CSNK1G1: variants seen among roughly 807,000 people sequenced by gnomAD.
CSNK1G1 encodes casein kinase 1 gamma 1.
CSNK1G1 carries 22 observed loss-of-function variants against 59.6 expected under a neutral mutation model. That is an observed-to-expected ratio of 0.37 (90% CI 0.26 to 0.53). The LOEUF (loss-of-function observed/expected upper bound fraction) is 0.53. Ranked by LOEUF, CSNK1G1 falls within the 20% of genes least tolerant of loss-of-function variation. CSNK1G1 has a pLI of 0.89. For missense variants in CSNK1G1, 384 were observed against 519.5 expected (o/e 0.74, Z 2.54); for synonymous variants, 179 against 177.1 (o/e 1.01, Z -0.08).
chr15:64,191,955 T>C (rs541631329), intron 10 of CSNK1G1, among the ~76,000 whole-genome samples: 1 of 152,306 alleles, frequency 6.6e-6, no homozygotes, highest in African/African-American at 2.4e-5. Context: ...GAAAGGGCCA[T>C]TTGCAGTTTT....
rs77140729 is a variant in CSNK1G1 at position 64,348,037 on chromosome 15, C to T, written c.-225+7951G>A. Among the ~76,000 whole-genome samples the T allele has an allele frequency of 2.1e-3, 312 of 149,120 alleles. 12 individuals carry two copies. In the East Asian group the frequency reaches 0.054, roughly 26 times the overall value. On this transcript the variant is annotated intron_variant, in intron 1 of 11. Coordinates refer to ENST00000303052, the MANE Select transcript of CSNK1G1 (RefSeq NM_022048.5). ...AAAAAAAGACACGAAGAACATTCAA[C>T]GCATATTGCTAAGTGAAAAAAAAAA...
At chr15:64,219,614 A>G (rs1265024204) in intron 4 of CSNK1G1, among the ~76,000 whole-genome samples, 1 of 151,990 alleles carries the variant, frequency 6.6e-6, no homozygotes, top group East Asian at 1.9e-4. Flanking sequence ...ACATGACACC[A>G]CATCGGGCTA....
chr15:64,309,047 G>A (rs960442372), intron 1 of CSNK1G1, among the ~76,000 whole-genome samples: 14 of 152,064 alleles, frequency 9.2e-5, no homozygotes, highest in African/African-American at 3.4e-4. Context: ...CCCTGGACCT[G>A]GGTCCTCCTT....
In CSNK1G1 at chr15:64,187,369, T is replaced by C. The variant is rs540959055; in HGVS notation, c.1108-6915A>G. 5.2e-4 allele frequency among the ~76,000 whole-genome samples: 79 copies of C among 152,144 alleles called. 1 individual carries two copies. The South Asian group carries it at 0.015, about 29-fold the overall frequency. ...ACCGGGCCTGGCTAATTTTTTTTTT[T>C]TTGTATTTATAGTACAGATGGGGTT... On this transcript the variant is annotated intron_variant, in intron 10 of 11. Coordinates refer to ENST00000303052, the MANE Select transcript of CSNK1G1 (RefSeq NM_022048.5).
intron 10 of CSNK1G1, among the ~76,000 whole-genome samples, chr15:64,195,676 T>C (rs1365855784): frequency 2.0e-5 from 3 of 152,196 alleles, no homozygotes; most frequent in African/African-American, 7.2e-5. Flanking sequence ...TTTTGCCAGG[T>C]AGAAGCAAGC....
chr15:64,174,969 G>A (rs184377332), intron 11 of CSNK1G1, among the ~76,000 whole-genome samples: 103 of 151,814 alleles, frequency 6.8e-4, no homozygotes, highest in African/African-American at 2.3e-3. Context: ...TCAGCTAGAT[G>A]GTACCCAAGC....
chr15:64,177,708 GCC>G (rs2081757979), intron 11 of CSNK1G1, among the ~76,000 whole-genome samples: 1 of 152,112 alleles, frequency 6.6e-6, no homozygotes, highest in African/African-American at 2.4e-5. Context: ...GTGTGAATGA[GCC>G]CATATCTTAC....
intron 2 of CSNK1G1, among the ~76,000 whole-genome samples, chr15:64,281,285 T>C (rs1020882333): frequency 1.3e-5 from 2 of 152,234 alleles, no homozygotes; most frequent in Admixed American, 6.5e-5. Context: ...TTTTATCAAA[T>C]ATCTGAAGTA....
At chr15:64,352,404 T>C (rs1898345244) in intron 1 of CSNK1G1, among the ~76,000 whole-genome samples, 1 of 149,872 alleles carries the variant, frequency 6.7e-6, no homozygotes, top group South Asian at 2.1e-4. Context: ...TAAATAACCT[T>C]ACCAAAACTC....
chr15:64,173,532 G>T (rs964786430), intron 11 of CSNK1G1, among the ~76,000 whole-genome samples: 1 of 151,326 alleles, frequency 6.6e-6, no homozygotes, highest in South Asian at 2.1e-4. Flanking sequence ...CAACATTTTT[G>T]ATTGTTAAAA....
In CSNK1G1 at chr15:64,202,548, C is replaced by CTTTT. The variant is rs869164024; in HGVS notation, c.1107+530_1107+533dup. Reference sequence around the variant, plus strand: ...CAACAGACTCTGACAGGCCCACACACTTTTTTTTTTTTTTTTTTAAGACAG... The same window carrying CTTTT: ...CAACAGACTCTGACAGGCCCACACACTTTTTTTTTTTTTTTTTTTTTTAAGACAG... On this transcript the variant is annotated intron_variant, in intron 10 of 11. Transcript: ENST00000303052. Among the ~76,000 whole-genome samples the CTTTT allele has an allele frequency of 1.9e-4, 26 of 139,930 alleles. No homozygotes were observed. In the South Asian group the frequency reaches 5.6e-3, roughly 30 times the overall value. 91.8% of individuals were successfully genotyped at this position (139,930 alleles called of 152,430 possible). A position where few individuals can be genotyped will look rare whatever the true frequency, so the allele number is the denominator to read the frequency against.
chr15:64,165,942 TA>T lies in CSNK1G1; in HGVS notation c.*5988del. 1.6e-6 allele frequency: 1 copy of T among 617,420 alleles called. No individual in the cohort carries two copies. Among genetic ancestry groups the T allele is most frequent in the Non-Finnish European group, 2.9e-6 (1 of 347,736 alleles). 38.2% of individuals were successfully genotyped at this position (617,420 alleles called of 1,614,324 possible). The stretch of plus-strand genomic sequence containing the variant: ...ACTTCCTCTGCAGAGAAGATTTTCC[TA>T]ATGGTGCACAAATATCTCTCCTGGA... On this transcript the variant is annotated 3_prime_UTR_variant, in exon 12 of 12. Transcript: ENST00000303052.
chr15:64,236,710 C>A (rs1596139100), intron 4 of CSNK1G1, among the ~76,000 whole-genome samples: 1 of 152,288 alleles, frequency 6.6e-6, no homozygotes, highest in Middle Eastern at 3.4e-3. Context: ...TTAGTACAGT[C>A]TCTATGGAAG....
At chr15:64,192,453 A>T (rs1366725176) in intron 10 of CSNK1G1, among the ~76,000 whole-genome samples, 1 of 152,226 alleles carries the variant, frequency 6.6e-6, no homozygotes, top group Non-Finnish European at 1.5e-5. Context: ...GCATAAATGA[A>T]AGGTAAAGGT....
intron 2 of CSNK1G1, among the ~76,000 whole-genome samples, chr15:64,282,284 TGAGACAG>T (rs1450620771): frequency 6.6e-5 from 10 of 152,124 alleles, no homozygotes; most frequent in Non-Finnish European, 1.5e-4. Flanking sequence ...TTTATTTTTT[TGAGACAG>T]GGTCTCAGTT....
intron 2 of CSNK1G1, among the ~76,000 whole-genome samples, chr15:64,277,976 T>C (rs1893833366): frequency 6.8e-6 from 1 of 146,144 alleles, no homozygotes; most frequent in African/African-American, 2.5e-5. Flanking sequence ...ATATTAATAT[T>C]GATATATTCG....
intron 7 of CSNK1G1, among the ~76,000 whole-genome samples, chr15:64,206,243 C>T (rs955720730): frequency 2.6e-5 from 4 of 152,152 alleles, no homozygotes; most frequent in Non-Finnish European, 5.9e-5. Context: ...AGTTTGAGAC[C>T]AGTCTGGCCA....
chr15:64,229,613 A>T (rs1178740455), intron 4 of CSNK1G1, among the ~76,000 whole-genome samples: 4 of 152,126 alleles, frequency 2.6e-5, no homozygotes, highest in African/African-American at 9.7e-5. Context: ...ACATGGAGAA[A>T]GCCTATTTGA....
chr15:64,180,593 C>G (rs2081800489), intron 10 of CSNK1G1, 139 bp from the exon 11 acceptor site: 1 of 668,174 alleles, frequency 1.5e-6, no homozygotes, highest in Non-Finnish European at 2.7e-6. Context: ...GGAAGGTTCC[C>G]AGGCCCATAT....
Sources: allele counts gnomAD v4.1 joint callset (sites outside exome capture counted in the v4.1 genomes callset), GRCh38; gene constraint gnomAD v4.1.1; transcripts MANE v1.5; gene names NCBI Gene and HGNC (gene_info 2026-07-23, HGNC 2026-07-21).